Variants in COPS4 observed in about 807,000 individuals in gnomAD.
COPS4 encodes COP9 signalosome subunit 4, also known as COP9 signalosome complex subunit 4.
A neutral mutation model predicts 55.1 loss-of-function variants in COPS4; 8 were observed. The ratio of observed to expected loss-of-function variants is 0.15; its 90% CI spans 0.09 to 0.26. COPS4 has a LOEUF of 0.26. COPS4 is among the 10% of genes least tolerant of loss of function. COPS4 has a pLI of 1.00. For missense variants in COPS4, 248 were observed against 484.0 expected, an observed-to-expected ratio of 0.51 and a Z score of 4.58; for synonymous variants, 185 against 165.7, an observed-to-expected ratio of 1.12 and a Z score of -0.90.
chr4:83,058,228 A>T (rs970920035), intron 6 of COPS4, among the ~76,000 whole-genome samples: 8 of 152,112 alleles, frequency 5.3e-5, no homozygotes, highest in African/African-American at 1.9e-4. Context: ...GCTAATTCTA[A>T]ACCATAGCTT....
intron 3 of COPS4, chr4:83,049,657 A>AT: frequency 2.0e-6 from 1 of 507,574 alleles, no homozygotes. Flanking sequence ...AAACTACAGT[A>AT]TTGTACCATA....
intron 7 of COPS4, 151 bp from the exon 8 acceptor site, chr4:83,066,287 C>T (rs572512007): frequency 2.5e-4 from 111 of 445,452 alleles, no homozygotes; most frequent in Non-Finnish European, 4.0e-4. Context: ...ATTAATGAAA[C>T]TACATCATAT....
intron 1 of COPS4, among the ~76,000 whole-genome samples, chr4:83,044,220 G>A (rs1467572086): frequency 1.3e-5 from 2 of 151,918 alleles, no homozygotes; most frequent in Non-Finnish European, 2.9e-5. Flanking sequence ...CGAGGTGGGC[G>A]GATCACCTGA....
intron 2 of COPS4, among the ~76,000 whole-genome samples, chr4:83,048,083 T>C (rs746746541): frequency 2.6e-5 from 4 of 152,208 alleles, no homozygotes; most frequent in Non-Finnish European, 4.4e-5. Flanking sequence ...TTTAAAATGA[T>C]AGTTATAATA....
intron 8 of COPS4, 56 bp downstream of exon 8, chr4:83,066,609 A>G: frequency 1.3e-6 from 1 of 774,192 alleles, no homozygotes; most frequent in Non-Finnish European, 2.1e-6. Flanking sequence ...AACTATTAAA[A>G]TAATGAGAAA....
intron 9 of COPS4, among the ~76,000 whole-genome samples, chr4:83,071,900 C>T (rs969950750): frequency 4.6e-5 from 7 of 151,514 alleles, no homozygotes; most frequent in Admixed American, 2.0e-4. Context: ...TTAATAGAGA[C>T]GGGGTTTCAC....
intron 7 of COPS4, among the ~76,000 whole-genome samples, chr4:83,064,539 A>G (rs1352609232): frequency 1.3e-5 from 2 of 151,932 alleles, no homozygotes; most frequent in African/African-American, 4.8e-5. Context: ...CTGCTGTACT[A>G]CTTTTTGACA....
chr4:83,045,300 T>TA (rs1334801855), intron 1 of COPS4, among the ~76,000 whole-genome samples: 2 of 152,120 alleles, frequency 1.3e-5, no homozygotes, highest in African/African-American at 4.8e-5. Flanking sequence ...AATTCAAAAA[T>TA]AAAACCTTCA....
At chr4:83,069,353 GT>G (rs1731364106) in intron 9 of COPS4, among the ~76,000 whole-genome samples, 1 of 152,060 alleles carries the variant, frequency 6.6e-6, no homozygotes, top group Non-Finnish European at 1.5e-5. Flanking sequence ...GTCTGTCTCC[GT>G]TACTCTCAGT....
intron 6 of COPS4, 191 bp from the exon 7 acceptor site, chr4:83,062,885 C>T: frequency 2.2e-6 from 1 of 457,408 alleles, no homozygotes. Flanking sequence ...GCTTTGTATT[C>T]CCATAGGAGC....
chr4:83,038,971 T>A (rs1730493335), intron 1 of COPS4, among the ~76,000 whole-genome samples: 2 of 152,238 alleles, frequency 1.3e-5, no homozygotes, highest in African/African-American at 2.4e-5. Flanking sequence ...AGATTTTGTC[T>A]TTAATTTTGT....
At chr4:83,073,346 C>T (rs1292141384) in intron 9 of COPS4, 2 of 655,166 alleles carry the variant, frequency 3.1e-6, no homozygotes, top group South Asian at 3.4e-5. Context: ...TCATCCATGT[C>T]ATGGCAGGTA....
At chr4:83,053,855 T>A (rs1368018115) in intron 4 of COPS4, among the ~76,000 whole-genome samples, 5 of 42,044 alleles carry the variant, frequency 1.2e-4, no homozygotes, top group Non-Finnish European at 1.1e-4. Context: ...AAAAAAAAGA[T>A]GGTTTATAAC....
chr4:83,059,100 C>T (rs1430035725), intron 6 of COPS4, among the ~76,000 whole-genome samples: 2 of 151,498 alleles, frequency 1.3e-5, no homozygotes, highest in African/African-American at 4.9e-5. Context: ...GTGAATTATA[C>T]ATTTATGTTG....
chr4:83,058,341 C>T (rs933203376), intron 6 of COPS4, among the ~76,000 whole-genome samples: 1 of 152,128 alleles, frequency 6.6e-6, no homozygotes, highest in Non-Finnish European at 1.5e-5. Context: ...CTTCAACCTC[C>T]CAAGTAGCTG....
At chr4:83,035,438 G>A (rs968470017) in intron 1 of COPS4, 140 bp downstream of exon 1, 2 of 587,284 alleles carry the variant, frequency 3.4e-6, no homozygotes, top group Admixed American at 5.3e-5. Flanking sequence ...GAGGTCGGCT[G>A]GGGAGGCAAA....
At chr4:83,046,288 T>C (rs993351852) in intron 2 of COPS4, among the ~76,000 whole-genome samples, 8 of 152,192 alleles carry the variant, frequency 5.3e-5, no homozygotes, top group Non-Finnish European at 7.3e-5. Flanking sequence ...AAATAACAAA[T>C]TCTGGTTAGA....
At chr4:83,047,400 C>G (rs777379487) in intron 2 of COPS4, among the ~76,000 whole-genome samples, 1 of 149,976 alleles carries the variant, frequency 6.7e-6, no homozygotes, top group African/African-American at 2.5e-5. Context: ...CAAAAAAATA[C>G]GAAAATTAGC....
chr4:83,048,916 A>G (rs1169572859), intron 2 of COPS4, among the ~76,000 whole-genome samples: 1 of 152,136 alleles, frequency 6.6e-6, no homozygotes, highest in Non-Finnish European at 1.5e-5. Context: ...AAGTGCTGAG[A>G]TTACAGGCGT....
Sources: allele counts gnomAD v4.1 joint callset (sites outside exome capture counted in the v4.1 genomes callset), GRCh38; gene constraint gnomAD v4.1.1; transcripts MANE v1.5; gene names NCBI Gene and HGNC (gene_info 2026-07-23, HGNC 2026-07-21).